The following ZDHHC20 variants were observed in gnomAD, a reference collection of about 807,000 sequenced individuals.
ZDHHC20 encodes the protein palmitoyltransferase ZDHHC20.
ZDHHC20 carries 43 observed loss-of-function variants against 57.8 expected under a neutral mutation model. The observed-to-expected ratio is 0.74, with a 90% CI of 0.58 to 0.96. The LOEUF (loss-of-function observed/expected upper bound fraction) is 0.96. Ranked by LOEUF, ZDHHC20 falls within the 40% of genes least tolerant of loss-of-function variation. The probability of loss-of-function intolerance (pLI) is 0.00; values close to 1 mark genes in which losing one functional copy is unlikely to be tolerated. For synonymous variants in ZDHHC20, 157 were observed against 153.0 expected (o/e 1.03, Z -0.19); for missense variants, 391 against 441.1 (o/e 0.89, Z 1.02).
chr13:21,442,076 T>C (rs751151223), intron 1 of ZDHHC20, among the ~76,000 whole-genome samples: 3 of 152,222 alleles, frequency 2.0e-5, no homozygotes, highest in African/African-American at 7.2e-5. Flanking sequence ...TTGTTTACGT[T>C]ATGTATCCCT....
intron 3 of ZDHHC20, among the ~76,000 whole-genome samples, chr13:21,414,583 G>T (rs1343338317): frequency 1.4e-5 from 2 of 140,236 alleles, no homozygotes; most frequent in African/African-American, 5.2e-5. Flanking sequence ...GTGTTAGCCA[G>T]GATGGTCTCG....
intron 1 of ZDHHC20, among the ~76,000 whole-genome samples, chr13:21,437,593 T>C (rs963089207): frequency 2.0e-5 from 3 of 152,188 alleles, no homozygotes; most frequent in African/African-American, 7.2e-5. Flanking sequence ...CCAAAAACCC[T>C]AGGGCTCTGA....
intron 4 of ZDHHC20, among the ~76,000 whole-genome samples, chr13:21,411,672 C>T (rs918227176): frequency 5.3e-5 from 8 of 152,152 alleles, no homozygotes; most frequent in African/African-American, 1.7e-4. Context: ...GGCTTGATGA[C>T]TGAGCAGAAT....
At chr13:21,452,672 C>T (rs1034767559) in intron 1 of ZDHHC20, among the ~76,000 whole-genome samples, 1 of 151,966 alleles carries the variant, frequency 6.6e-6, no homozygotes, top group South Asian at 2.1e-4. Context: ...ACCATAATAG[C>T]ATAAAGGCCA....
intron 4 of ZDHHC20, among the ~76,000 whole-genome samples, chr13:21,404,142 T>C (rs1019671203): frequency 2.6e-5 from 4 of 152,204 alleles, no homozygotes; most frequent in African/African-American, 9.6e-5. Context: ...AACCATCTAC[T>C]GGTATATCCA....
chr13:21,420,624 T>A (rs1880539654), intron 3 of ZDHHC20, among the ~76,000 whole-genome samples: 1 of 152,236 alleles, frequency 6.6e-6, no homozygotes, highest in Admixed American at 6.5e-5. Context: ...GAAGAAACAC[T>A]AGTCATATTA....
intron 4 of ZDHHC20, among the ~76,000 whole-genome samples, chr13:21,412,793 A>G (rs1403935991): frequency 6.6e-6 from 1 of 152,022 alleles, no homozygotes; most frequent in African/African-American, 2.4e-5. Flanking sequence ...ACATAGTGAA[A>G]CCCCATCTCT....
chr13:21,373,478 T>C lies in ZDHHC20; in HGVS notation c.*3218A>G, dbSNP rs1361822549. 1.3e-5 allele frequency: 2 copies of C among 152,232 alleles called. No homozygotes were observed. Among genetic ancestry groups the C allele is most frequent in the South Asian group, 4.1e-4 (2 of 4,832 alleles). 9.4% of individuals were successfully genotyped at this position (152,232 alleles called of 1,614,324 possible). A position where few individuals can be genotyped will look rare whatever the true frequency, so the allele number is the denominator to read the frequency against. The stretch of plus-strand genomic sequence containing the variant: ...TAATATGTAAAAAGTTTTAAAAAAA[T>C]CATCCTTACGTATAGATGAAAATAA... On this transcript the variant is annotated 3_prime_UTR_variant, in exon 13 of 13. Coordinates refer to ENST00000400590, the MANE Select transcript of ZDHHC20 (RefSeq NM_001330059.2).
At chr13:21,455,253 G>A (rs1884814866) in intron 1 of ZDHHC20, among the ~76,000 whole-genome samples, 1 of 152,144 alleles carries the variant, frequency 6.6e-6, no homozygotes, top group Non-Finnish European at 1.5e-5. Flanking sequence ...TTCATCAGAA[G>A]TAAAGGGACT....
At chr13:21,377,216 C>A in intron 12 of ZDHHC20, 1 of 181,016 alleles carries the variant, frequency 5.5e-6, no homozygotes. Flanking sequence ...GACCTCCACC[C>A]CTAGTGCCTG....
chr13:21,457,564 A>G (rs954453578), intron 1 of ZDHHC20, among the ~76,000 whole-genome samples: 1 of 152,222 alleles, frequency 6.6e-6, no homozygotes, highest in African/African-American at 2.4e-5. Context: ...AAAGATTAAT[A>G]TTATTTGGAA....
chr13:21,410,702 C>A (rs1879081372), intron 4 of ZDHHC20, among the ~76,000 whole-genome samples: 1 of 152,186 alleles, frequency 6.6e-6, no homozygotes, highest in East Asian at 1.9e-4. Context: ...ATGGCAGAAG[C>A]CCCTCCCCCC....
At chr13:21,419,710 C>T (rs1566093947) in intron 3 of ZDHHC20, among the ~76,000 whole-genome samples, 1 of 152,102 alleles carries the variant, frequency 6.6e-6, no homozygotes, top group Non-Finnish European at 1.5e-5. Context: ...AAGAGAGTGG[C>T]CTCTTATGAA....
chr13:21,438,405 G>A (rs1016415976), intron 1 of ZDHHC20, among the ~76,000 whole-genome samples: 1 of 152,194 alleles, frequency 6.6e-6, no homozygotes, highest in African/African-American at 2.4e-5. Context: ...GATCATGGAT[G>A]ACACTAAACA....
At chr13:21,377,732 G>A (rs2137612048) in intron 12 of ZDHHC20, 1 of 171,856 alleles carries the variant, frequency 5.8e-6, no homozygotes, top group Non-Finnish European at 1.2e-5. Context: ...AGCCCTGCCC[G>A]CAGGCTCCAG....
chr13:21,434,487 T>A (rs913546798), intron 1 of ZDHHC20, among the ~76,000 whole-genome samples: 3 of 152,208 alleles, frequency 2.0e-5, no homozygotes, highest in African/African-American at 7.2e-5. Flanking sequence ...TAGTCTTGGG[T>A]CCACAAGAAA....
At chr13:21,410,497 G>A (rs1028235073) in intron 4 of ZDHHC20, among the ~76,000 whole-genome samples, 1 of 152,200 alleles carries the variant, frequency 6.6e-6, no homozygotes, top group Non-Finnish European at 1.5e-5. Context: ...CCAGGGAGAT[G>A]GGAGTTTTAT....
intron 7 of ZDHHC20, among the ~76,000 whole-genome samples, chr13:21,395,704 G>A (rs1316527427): frequency 1.3e-5 from 2 of 151,378 alleles, no homozygotes; most frequent in East Asian, 2.0e-4. Context: ...TTTCACCATT[G>A]TTGGCCAGAA....
chr13:21,381,851 G>C (rs1465961196), intron 10 of ZDHHC20: 1 of 574,356 alleles, frequency 1.7e-6, no homozygotes, highest in Non-Finnish European at 3.3e-6. Flanking sequence ...GCCATAGGTA[G>C]TACAAGGACA....
Sources: allele counts gnomAD v4.1 joint callset (sites outside exome capture counted in the v4.1 genomes callset), GRCh38; gene constraint gnomAD v4.1.1; transcripts MANE v1.5; gene names NCBI Gene and HGNC (gene_info 2026-07-23, HGNC 2026-07-21).